DCAF6: variants seen among roughly 807,000 people sequenced by gnomAD.
The protein encoded by DCAF6 is DDB1 and CUL4 associated factor 6, also known as DDB1- and CUL4-associated factor 6.
Under a neutral mutation model 125.1 loss-of-function variants are expected in DCAF6, and 54 were observed. The ratio of observed to expected loss-of-function variants is 0.43; its 90% CI spans 0.35 to 0.54. DCAF6 has a LOEUF of 0.54. Ranked by LOEUF, DCAF6 falls within the 20% of genes least tolerant of loss-of-function variation. DCAF6 has a pLI of 0.01. For missense variants in DCAF6, 934 were observed against 1,161.7 expected, an observed-to-expected ratio of 0.80 and a Z score of 2.85; for synonymous variants, 371 against 390.4, an observed-to-expected ratio of 0.95 and a Z score of 0.58.
At chr1:167,880,617 GGAGA>G in the DCAF6 span, 7 of 1,594,176 alleles carry the variant, frequency 4.4e-6, no homozygotes, top group African/African-American at 8.1e-5. Context: ...GCCCTGTGAG[GGAGA>G]GAGACAGCAA....
the DCAF6 span, among the ~76,000 whole-genome samples, chr1:167,871,026 A>G: frequency 6.6e-6 from 1 of 152,166 alleles, no homozygotes; most frequent in African/African-American, 2.4e-5. Context: ...CTTAGATTAC[A>G]CAACCAGGAA....
chr1:167,924,574 C>A, the DCAF6 span: 9 of 1,434,054 alleles, frequency 6.3e-6, no homozygotes, highest in Admixed American at 2.7e-5. Context: ...CAGGAATAAA[C>A]CAAATATATT....
chr1:168,052,595 C>G (rs1022356971), intron 17 of DCAF6, among the ~76,000 whole-genome samples: 1 of 152,166 alleles, frequency 6.6e-6, no homozygotes, highest in African/African-American at 2.4e-5. Flanking sequence ...ATGTAAACTT[C>G]TGCTTAAGAT....
chr1:167,898,460 C>G, the DCAF6 span, among the ~76,000 whole-genome samples: 18 of 151,924 alleles, frequency 1.2e-4, no homozygotes, highest in African/African-American at 4.4e-4. Context: ...ATTAGCTGGG[C>G]GTGGTAGCGG....
the DCAF6 span, chr1:167,920,649 G>C: frequency 6.3e-7 from 1 of 1,597,360 alleles, no homozygotes. Context: ...TTAACGCATA[G>C]AAAGAAAAAA....
chr1:167,993,510 G>T, intron 7 of DCAF6, 70 bp downstream of exon 7: 11 of 1,322,620 alleles, frequency 8.3e-6, no homozygotes, highest in Non-Finnish European at 1.1e-5. Flanking sequence ...AGCGCTTTGG[G>T]AGGCCGAGGT....
chr1:168,042,811 T>A, intron 13 of DCAF6: 1 of 432,280 alleles, frequency 2.3e-6, no homozygotes, highest in South Asian at 4.0e-5. Flanking sequence ...AAGCAGTCCC[T>A]TTATATTTTT....
chr1:167,918,719 G>C, the DCAF6 span, among the ~76,000 whole-genome samples: 3 of 149,660 alleles, frequency 2.0e-5, no homozygotes, highest in South Asian at 6.4e-4. Context: ...TCAGCCCCCC[G>C]AGTAGCTGGG....
chr1:167,977,073 G>T (rs1163912909), intron 4 of DCAF6, among the ~76,000 whole-genome samples: 1 of 150,436 alleles, frequency 6.6e-6, no homozygotes, highest in Non-Finnish European at 1.5e-5. Flanking sequence ...GGCTAATTTT[G>T]TATTTTTTTT....
At chr1:167,935,714 G>C (rs1457718967), upstream of DCAF6, 2 of 1,543,526 alleles carry the variant, frequency 1.3e-6, no homozygotes, top group Non-Finnish European at 1.8e-6. Flanking sequence ...TCGATAAGGA[G>C]CCATTCAGGG....
At chr1:167,928,109 G>A in the DCAF6 span, among the ~76,000 whole-genome samples, 2 of 152,266 alleles carry the variant, frequency 1.3e-5, 1 homozygote, top group South Asian at 4.1e-4. Context: ...AGCACTTTGT[G>A]AGGCCGAGAT....
At chr1:167,871,538 T>C in the DCAF6 span, among the ~76,000 whole-genome samples, 217 of 152,328 alleles carry the variant, frequency 1.4e-3, no homozygotes, top group African/African-American at 5.1e-3. Context: ...GCTGTAAGAA[T>C]TGTAATTTCT....
chr1:167,936,474 G>C (rs758213205), upstream of DCAF6: 1 of 186,576 alleles, frequency 5.4e-6, no homozygotes, highest in Admixed American at 5.8e-5. Flanking sequence ...GCGACTTAAG[G>C]ATCTGGTTAG....
intron 12 of DCAF6, among the ~76,000 whole-genome samples, chr1:168,033,004 C>G (rs1687297496): frequency 6.6e-6 from 1 of 150,716 alleles, no homozygotes; most frequent in Admixed American, 6.6e-5. Context: ...ATATAAAATA[C>G]TCAGCATTTT....
the DCAF6 span, among the ~76,000 whole-genome samples, chr1:167,892,595 C>T: frequency 1.5e-3 from 221 of 151,932 alleles, 2 homozygotes; most frequent in Non-Finnish European, 4.3e-4. Flanking sequence ...AGAATGGCTG[C>T]GGGAGAATGG....
At chr1:168,020,477 A>G (rs1417571963) in intron 11 of DCAF6, among the ~76,000 whole-genome samples, 7 of 152,242 alleles carry the variant, frequency 4.6e-5, no homozygotes, top group African/African-American at 1.7e-4. Flanking sequence ...ACCATGAGAC[A>G]TGCTGAGCTT....
intron 12 of DCAF6, among the ~76,000 whole-genome samples, chr1:168,027,748 T>G (rs1390244927): frequency 6.6e-6 from 1 of 152,076 alleles, no homozygotes; most frequent in Admixed American, 6.6e-5. Flanking sequence ...TGAAGAAATT[T>G]TTTTCTTTGA....
chr1:167,878,889 G>A, the DCAF6 span, among the ~76,000 whole-genome samples: 1 of 152,144 alleles, frequency 6.6e-6, no homozygotes, highest in African/African-American at 2.4e-5. Context: ...GGGATGGAAG[G>A]GGCTTGAGTA....
intron 18 of DCAF6, chr1:168,064,019 T>TG (rs200704335): frequency 0.026 from 5,401 of 209,000 alleles, 126 homozygotes; most frequent in Non-Finnish European, 0.035. Context: ...GCTTTTGTTT[T>TG]TTTTTTTTTT....
Sources: gnomAD v4.1 joint callset for allele counts (sites outside exome capture counted in the v4.1 genomes callset) on GRCh38, gnomAD v4.1.1 for gene constraint, MANE v1.5 for transcripts, NCBI Gene and HGNC (gene_info 2026-07-23, HGNC 2026-07-21) for gene names.